LARGE2: variants seen among roughly 807,000 people sequenced by gnomAD.
LARGE2 encodes the protein xylosyl- and glucuronyltransferase LARGE2.
LARGE2 carries 63 observed loss-of-function variants against 75.3 expected under a neutral mutation model. The observed-to-expected ratio is 0.84, with a 90% CI of 0.68 to 1.03. The LOEUF (loss-of-function observed/expected upper bound fraction) is 1.03. LARGE2 is among the 50% of genes least tolerant of loss of function. The pLI, the probability that LARGE2 is intolerant of heterozygous loss-of-function variation, is 0.00. For synonymous variants in LARGE2, 428 were observed against 420.1 expected (o/e 1.02, Z -0.23); for missense variants, 925 against 980.6 (o/e 0.94, Z 0.76).
intron 3 of LARGE2, among the ~76,000 whole-genome samples, chr11:45,923,757 C>T (rs1169716722): frequency 4.0e-5 from 6 of 151,834 alleles, no homozygotes; most frequent in African/African-American, 1.2e-4. Flanking sequence ...GAGGCCGAGG[C>T]GGGCGGATCA....
Position 45,926,891 on chromosome 11 carries a change from C to T in LARGE2, c.1325+20C>T. ...GGACCGGTGAGGGTGCAGAGGGCAG[C>T]CCAGGGGGTATGGCATGGGCTGGGG... On this transcript the variant is annotated intron_variant, in intron 10 of 13. Transcript: ENST00000401752. 1 of 1,594,558 alleles carries T rather than the reference C, an allele frequency of 6.3e-7. No individual in the cohort carries two copies. The highest frequency in any genetic ancestry group is 2.2e-5 in the East Asian group (1 of 44,580).
chr11:45,924,653 T>C lies in LARGE2; in HGVS notation c.640T>C (p.Trp214Arg). The C allele has an allele frequency of 6.2e-7, 1 of 1,613,550 alleles. No homozygotes were observed. Among genetic ancestry groups the C allele is most frequent in the Non-Finnish European group, 8.5e-7 (1 of 1,179,734 alleles). Residue 214 changes from tryptophan to arginine, a missense_variant, in exon 5 of 14, where the codon TGG (tryptophan) becomes CGG (arginine). Coordinates refer to ENST00000401752, the MANE Select transcript of LARGE2 (RefSeq NM_001300721.2). ...VTFASDISEL[W>R]ALFAHFSDTQ... Reference sequence around the variant, plus strand: ...CTTCGCCTCTGACATCTCGGAGCTCTGGGCCCTCTTTGCTCACTTTTCTGG... The same window carrying C: ...CTTCGCCTCTGACATCTCGGAGCTCCGGGCCCTCTTTGCTCACTTTTCTGG...
At chr11:45,925,632 G>A (rs1054308740) in intron 6 of LARGE2, among the ~76,000 whole-genome samples, 1 of 152,062 alleles carries the variant, frequency 6.6e-6, no homozygotes, top group East Asian at 1.9e-4. Context: ...CTCCAGCCTT[G>A]GCAATAGAGT....
At chr11:45,925,300 C>T (rs1215457195) in intron 6 of LARGE2, among the ~76,000 whole-genome samples, 4 of 152,076 alleles carry the variant, frequency 2.6e-5, no homozygotes, top group South Asian at 2.1e-4. Context: ...GTGGGAGAAT[C>T]GCTTGAGCCC....
At position 45,923,032 on chromosome 11, in the gene LARGE2, C is replaced by T; in HGVS notation, c.150C>T (p.Gly50=). 1.4e-6 allele frequency: 2 copies of T among 1,400,128 alleles called. No individual in the cohort carries two copies. The highest frequency in any genetic ancestry group is 1.9e-6 in the Non-Finnish European group (2 of 1,079,958). 86.7% of individuals were successfully genotyped at this position (1,400,128 alleles called of 1,614,324 possible). A position where few individuals can be genotyped will look rare whatever the true frequency, so the allele number is the denominator to read the frequency against. The change falls in exon 2 of 14, where the codon GGC becomes GGT. Residue 50 remains glycine (G), a synonymous_variant. Coordinates refer to ENST00000401752, the MANE Select transcript of LARGE2 (RefSeq NM_001300721.2). ...GRAGAPGCFP[G]PLMPRVPPDG... The stretch of plus-strand genomic sequence containing the variant: ...CGGGGGCCCCGGGATGCTTCCCCGG[C>T]CCGCTCATGCCACGTGTCCCCCCAG...
In LARGE2 at chr11:45,922,888, G is replaced by GC; in HGVS notation, c.10dup (p.Arg4ProfsTer31). 7.9e-7 allele frequency: 1 copy of GC among 1,270,100 alleles called. No individual in the cohort carries two copies. The highest frequency in any genetic ancestry group is 9.9e-7 in the Non-Finnish European group (1 of 1,012,792). The allele number at this position is 1,270,100 out of a possible 1,614,324, so 78.7% of individuals were successfully genotyped here. A position where few individuals can be genotyped will look rare whatever the true frequency, so the allele number is the denominator to read the frequency against. On this transcript the variant is annotated frameshift_variant, in exon 2 of 14. Transcript: ENST00000401752. LOFTEE classifies it high-confidence loss of function. ...GAGCGCCCCCGTCGGCGGCCATGCT[G>GC]CCCCGAGGGCGCCCCCGGGCGCTGG... is the stretch of plus-strand genomic sequence containing the variant.
At position 45,927,582 on chromosome 11, in the gene LARGE2, C is replaced by G; in HGVS notation, c.1593C>G (p.Tyr531Ter). Residue 531 changes from tyrosine to a stop codon, truncating the protein, a stop_gained, in exon 11 of 14, where the codon TAC (tyrosine) becomes TAG (stop). Coordinates refer to ENST00000401752, the MANE Select transcript of LARGE2 (RefSeq NM_001300721.2). LOFTEE classifies it high-confidence loss of function. ...DIDFLPAYSL[Y>*]DYLRASIEQL... ...ACTTCCTGCCTGCCTATTCTCTCTA[C>G]GACTACCTCAGGTGGGCCTGCAGGC... 6.2e-7 allele frequency: 1 copy of G among 1,613,410 alleles called. No homozygotes were observed. The highest frequency in any genetic ancestry group is 1.1e-5 in the South Asian group (1 of 91,078).
chr11:45,922,583 G>A (rs1263123011), upstream of LARGE2: 3 of 231,564 alleles, frequency 1.3e-5, no homozygotes, highest in South Asian at 1.8e-4. Flanking sequence ...CCCCGGGGGG[G>A]TCACCCCGCC....
intron 3 of LARGE2, 133 bp from the exon 4 acceptor site, chr11:45,924,021 A>G (rs1183977096): frequency 4.7e-6 from 2 of 428,322 alleles, no homozygotes; most frequent in East Asian, 3.5e-5. Flanking sequence ...AAAAAAAAAA[A>G]AAGAACATCC....
chr11:45,924,190 C>T lies in LARGE2; in HGVS notation c.405C>T (p.Ala135=), dbSNP rs149049026. Residue 135 remains alanine (A), a synonymous_variant, in exon 4 of 14, where the codon GCC becomes GCT. Coordinates refer to ENST00000401752, the MANE Select transcript of LARGE2 (RefSeq NM_001300721.2). ...TGCACCTCCACTTGGTGACTGACGC[C>T]GTGGCCAGAAACATCCTGGAGACGC... is the stretch of plus-strand genomic sequence containing the variant. ...NPLHLHLVTD[A]VARNILETLF... 10 of 1,612,350 alleles carry T rather than the reference C, an allele frequency of 6.2e-6. No homozygotes were observed. The highest frequency in any genetic ancestry group is 4.2e-6 in the Non-Finnish European group (5 of 1,179,822).
rs1325525265 is a variant in LARGE2, at chr11:45,928,268, T to G, written c.1846T>G (p.Tyr616Asp). ...APYRVQWAAN[Y>D]EPYVVVPRDC... The stretch of plus-strand genomic sequence containing the variant: ...GTACCGTGTGCAATGGGCGGCCAAC[T>G]ATGAACCCTACGTGGTGGTGCCACG... The change falls in exon 13 of 14, where the codon TAT becomes GAT. Residue 616 changes from tyrosine to aspartate, a missense_variant. Tyr to Asp is a radical substitution (Grantham distance 160). Transcript: ENST00000401752. The G allele has an allele frequency of 3.7e-6, 6 of 1,614,086 alleles. No homozygotes were observed. The highest frequency in any genetic ancestry group is 4.2e-6 in the Non-Finnish European group (5 of 1,180,040).
Position 45,928,231 on chromosome 11 carries a change from G to A in LARGE2, c.1809G>A (p.Glu603=). ...HAPTDYARWR[E]AQAPYRVQWA... The stretch of plus-strand genomic sequence containing the variant: ...CCACAGACTATGCCCGCTGGCGGGA[G>A]GCTCAGGCCCCGTACCGTGTGCAAT... Residue 603 remains glutamate, a synonymous_variant, in exon 13 of 14, where the codon GAG becomes GAA. Coordinates refer to ENST00000401752, the MANE Select transcript of LARGE2 (RefSeq NM_001300721.2). 4 of 1,613,970 alleles carry A rather than the reference G, an allele frequency of 2.5e-6. No individual in the cohort carries two copies. The highest frequency in any genetic ancestry group is 8.5e-7 in the Non-Finnish European group (1 of 1,180,034).
chr11:45,927,754 C>A, intron 11 of LARGE2, 161 bp downstream of exon 11: 1 of 1,414,054 alleles, frequency 7.1e-7, no homozygotes, highest in Non-Finnish European at 9.8e-7. Context: ...AACAGGGAGG[C>A]CAGGGCCGGC....
At position 45,926,799 on chromosome 11, in the gene LARGE2, C is replaced by T. The variant is rs758146826; in HGVS notation, c.1253C>T (p.Thr418Ile). The change falls in exon 10 of 14, where the codon ACT becomes ATT. Residue 418 changes from threonine to isoleucine, a missense_variant. Thr to Ile is a moderately conservative substitution (Grantham distance 89). Around this residue, in one of 3 missense-constraint regions of LARGE2, gnomAD observed 469 missense variants for 503.8 expected, o/e 0.93. Coordinates refer to ENST00000401752, the MANE Select transcript of LARGE2 (RefSeq NM_001300721.2). ...QQLTVHRVHVTFLPHEPPPPR... is the reference protein window; with the variant it reads ...QQLTVHRVHVIFLPHEPPPPR... Reference sequence around the variant, plus strand: ...CTCACTGTGCACCGTGTGCATGTCACTTTCCTGCCCCATGAACCGCCACCC... The same window carrying T: ...CTCACTGTGCACCGTGTGCATGTCATTTTCCTGCCCCATGAACCGCCACCC... 3 of 1,613,676 alleles carry T rather than the reference C, an allele frequency of 1.9e-6. No homozygotes were observed. Among genetic ancestry groups the T allele is most frequent in the South Asian group, 1.1e-5 (1 of 91,078 alleles).
upstream of LARGE2, chr11:45,922,546 A>C (rs2134708654): frequency 5.5e-6 from 1 of 183,390 alleles, no homozygotes; most frequent in Non-Finnish European, 1.1e-5. Context: ...GAACCGTCGG[A>C]TGCCGGCCCA....
upstream of LARGE2, among the ~76,000 whole-genome samples, chr11:45,922,087 C>T (rs969384356): frequency 7.9e-5 from 12 of 152,068 alleles, no homozygotes; most frequent in African/African-American, 2.9e-4. Flanking sequence ...GTCTGGGGCC[C>T]CTCGCCAGCT....
chr11:45,923,451 C>T lies in LARGE2; in HGVS notation c.286-22C>T, dbSNP rs2087006276. On this transcript the variant is annotated intron_variant, in intron 2 of 13. Coordinates refer to ENST00000401752, the MANE Select transcript of LARGE2 (RefSeq NM_001300721.2). ...CCTAGCGGAGAAGGGGGGCTGCTGC[C>T]GACCTGGGCGTCCCTCCCCAGCTCT... The T allele has an allele frequency of 1.9e-6, 3 of 1,611,146 alleles. No homozygotes were observed. The East Asian group carries it at 6.7e-5, about 36-fold the overall frequency.
upstream of LARGE2, chr11:45,922,610 C>A (rs55884539): frequency 0.56 from 157,685 of 281,254 alleles, 51,180 homozygotes; most frequent in Non-Finnish European, 0.7. Flanking sequence ...CGCTCAGCCC[C>A]GCTGAGGTGA....
intron 13 of LARGE2, 117 bp downstream of exon 13, chr11:45,928,489 T>C: frequency 6.5e-7 from 1 of 1,527,202 alleles, no homozygotes; most frequent in Non-Finnish European, 8.8e-7. Context: ...AATGTCCCCC[T>C]TCTGTGGAAT....
Sources: gnomAD v4.1 joint callset for allele counts (sites outside exome capture counted in the v4.1 genomes callset) on GRCh38, gnomAD v4.1.1 for gene constraint, gnomAD v4.1.1 regional missense constraint, MANE v1.5 for transcripts, NCBI Gene and HGNC (gene_info 2026-07-23, HGNC 2026-07-21) for gene names.